The following PDE2A variants were observed in gnomAD, a reference collection of about 807,000 sequenced individuals.
The protein encoded by PDE2A is phosphodiesterase 2A.
Under a neutral mutation model 133.6 loss-of-function variants are expected in PDE2A, and 53 were observed. That is an observed-to-expected ratio of 0.40 (90% CI 0.32 to 0.50). The LOEUF is 0.50. Among genes scored for constraint, PDE2A ranks in the 20% least tolerant of loss-of-function variants. PDE2A has a pLI of 0.73. For synonymous variants in PDE2A, 491 were observed against 490.2 expected, an observed-to-expected ratio of 1.00 and a Z score of -0.02; for missense variants, 796 against 1,232.4, an observed-to-expected ratio of 0.65 and a Z score of 5.30.
At position 72,580,609 on chromosome 11, in the gene PDE2A, C is replaced by A; in HGVS notation, c.2149G>T (p.Ala717Ser). ...ACGGAGCCCTCAGAGCTGTAGAGCG[C>A]AGCCAGCACAGATTTCTGGAAAAGC... ...FQVASKSVLAALYSSEGSVME... is the reference protein window; with the variant it reads ...FQVASKSVLASLYSSEGSVME... The change falls in exon 25 of 31, where the codon GCG becomes TCG. Residue 717 changes from alanine to serine, a missense_variant. This residue lies in a region of PDE2A where 218 missense variants were observed against 465.9 expected (regional missense o/e 0.47). Coordinates refer to ENST00000334456, the MANE Select transcript of PDE2A (RefSeq NM_002599.5). 6.4e-7 allele frequency: 1 copy of A among 1,566,914 alleles called. No homozygotes were observed. Among genetic ancestry groups the A allele is most frequent in the Non-Finnish European group, 8.7e-7 (1 of 1,154,538 alleles).
At chr11:72,584,751 G>A (rs1243532875) in intron 17 of PDE2A, 23 bp from the exon 18 acceptor site, 18 of 1,612,342 alleles carry the variant, frequency 1.1e-5, no homozygotes, top group Non-Finnish European at 1.4e-5. Context: ...AGATGGAGTC[G>A]AGAGGAAGAA....
chr11:72,578,856 G>T lies in PDE2A; in HGVS notation c.2469+41C>A. On this transcript the variant is annotated intron_variant, in intron 28 of 30. Coordinates refer to ENST00000334456, the MANE Select transcript of PDE2A (RefSeq NM_002599.5). The surrounding 1 kb of genome is among the most constrained non-coding windows in gnomAD (Gnocchi z 4.2). Reference sequence around the variant, plus strand: ...CACAGGGGGCACCCAAAGCTGGGCAGGGTGGGCAGCCTGTGCCTTCCCAGG... The same window carrying T: ...CACAGGGGGCACCCAAAGCTGGGCATGGTGGGCAGCCTGTGCCTTCCCAGG... 7.9e-7 allele frequency: 1 copy of T among 1,273,374 alleles called. No homozygotes were observed. The highest frequency in any genetic ancestry group is 1.2e-5 in the South Asian group (1 of 83,074). 78.9% of individuals were successfully genotyped at this position (1,273,374 alleles called of 1,614,324 possible). A position where few individuals can be genotyped will look rare whatever the true frequency, so the allele number is the denominator to read the frequency against.
intron 1 of PDE2A, among the ~76,000 whole-genome samples, chr11:72,663,475 T>A (rs952190824): frequency 3.0e-4 from 45 of 152,126 alleles, no homozygotes; most frequent in African/African-American, 1.0e-3. Flanking sequence ...ACGCCTGTAA[T>A]CCCAGCACTT....
intron 1 of PDE2A, among the ~76,000 whole-genome samples, chr11:72,672,172 CT>C (rs34720752): frequency 0.48 from 71,059 of 148,588 alleles, 17,230 homozygotes; most frequent in Middle Eastern, 0.68. Context: ...TTTTCTTCTT[CT>C]TTTTTTTTTT....
intron 2 of PDE2A, among the ~76,000 whole-genome samples, chr11:72,609,563 A>G (rs1857112278): frequency 6.6e-6 from 1 of 152,204 alleles, no homozygotes; most frequent in African/African-American, 2.4e-5. Context: ...TCCCAGGAAC[A>G]GAACTCGTCC....
chr11:72,582,317 T>G lies in PDE2A; in HGVS notation c.1851+127A>C, dbSNP rs576661701. Reference sequence around the variant, plus strand: ...ATGGCAGACTACAAGCCCCTCCATCTCTGAGGGACCCTCCACAGCCTTCCT... The same window carrying G: ...ATGGCAGACTACAAGCCCCTCCATCGCTGAGGGACCCTCCACAGCCTTCCT... On this transcript the variant is annotated intron_variant, in intron 21 of 30. Coordinates refer to ENST00000334456, the MANE Select transcript of PDE2A (RefSeq NM_002599.5). The G allele has an allele frequency of 9.0e-5, 84 of 935,890 alleles. No homozygotes were observed. In the Admixed American group the frequency reaches 1.9e-3, roughly 21 times the overall value. The allele number at this position is 935,890 out of a possible 1,614,324, so 58.0% of individuals were successfully genotyped here. A position where few individuals can be genotyped will look rare whatever the true frequency, so the allele number is the denominator to read the frequency against.
At chr11:72,618,210 C>T (rs960782719) in intron 2 of PDE2A, among the ~76,000 whole-genome samples, 5 of 152,222 alleles carry the variant, frequency 3.3e-5, no homozygotes, top group African/African-American at 9.6e-5. Flanking sequence ...CTGCTCGCTC[C>T]CTCCATCCAG....
chr11:72,609,407 A>G (rs562646497), intron 2 of PDE2A, among the ~76,000 whole-genome samples: 1 of 152,256 alleles, frequency 6.6e-6, no homozygotes, highest in South Asian at 2.1e-4. Context: ...ACCTAGTCTC[A>G]TTTTCCAGCC....
chr11:72,582,101 G>T (rs7111810), intron 21 of PDE2A, 154 bp from the exon 22 acceptor site: 1 of 652,124 alleles, frequency 1.5e-6, no homozygotes, highest in Non-Finnish European at 2.7e-6. Context: ...AACCGTTCTC[G>T]GAGCTATGCA....
rs1010207828 is a variant in PDE2A at position 72,597,554 on chromosome 11, T to C, written c.389A>G (p.Lys130Arg). The C allele has an allele frequency of 3.1e-6, 5 of 1,611,646 alleles. No individual in the cohort carries two copies. Among genetic ancestry groups the C allele is most frequent in the Middle Eastern group, 1.7e-4 (1 of 6,046 alleles). Residue 130 changes from lysine to arginine, a missense_variant, in exon 5 of 31, where the codon AAG (lysine) becomes AGG (arginine). Physicochemically the swap from Lys to Arg is conservative, Grantham distance 26. Transcript: ENST00000334456. The surrounding 1 kb of genome is among the most constrained non-coding windows in gnomAD (Gnocchi z 4.6). The stretch of plus-strand genomic sequence containing the variant: ...TGGAGCCACCAGCCTGGCCAAGGGC[T>C]TCCCTGGCAGGTCTGAGAAGCCCAG... The part of the protein sequence containing the change: ...NGLGFSDLPG[K>R]PLARLVAPLA...
intron 2 of PDE2A, among the ~76,000 whole-genome samples, chr11:72,635,634 T>C (rs987956711): frequency 6.6e-6 from 1 of 152,316 alleles, no homozygotes; most frequent in Admixed American, 6.5e-5. Context: ...CAAAATCCTA[T>C]ACTCCTAGAG....
At position 72,585,401 on chromosome 11, in the gene PDE2A, G is replaced by A. The variant is rs763395523; in HGVS notation, c.1256C>T (p.Thr419Met). 4 of 1,614,138 alleles carry A rather than the reference G, an allele frequency of 2.5e-6. No individual in the cohort carries two copies. The highest frequency in any genetic ancestry group is 1.1e-5 in the South Asian group (1 of 91,080). ...DVSVLLQEIITEARNLSNAEI... is the reference protein window; with the variant it reads ...DVSVLLQEIIMEARNLSNAEI... ...TGCGTTGCTGAGGTTTCTGGCCTCC[G>A]TGATGATCTCCTGGAGCAGGACAGA... Residue 419 changes from threonine (T) to methionine (M), a missense_variant, in exon 16 of 31, where the codon ACG becomes ATG. This residue lies in a region of PDE2A where 31 missense variants were observed against 70.2 expected (regional missense o/e 0.44). Transcript: ENST00000334456.
At chr11:72,591,255 A>G (rs1330244067) in intron 7 of PDE2A, 42 bp downstream of exon 7, 1 of 1,526,572 alleles carries the variant, frequency 6.6e-7, no homozygotes, top group Non-Finnish European at 9.1e-7. Flanking sequence ...AGCTGTGATA[A>G]GGGTCTTCAG....
At position 72,578,281 on chromosome 11, in the gene PDE2A, G is replaced by A; in HGVS notation, c.2567C>T (p.Pro856Leu). Residue 856 changes from proline (P) to leucine (L), a missense_variant, in exon 30 of 31, where the codon CCT becomes CTT. By Grantham distance (98) the Pro-to-Leu change is moderately conservative. Coordinates refer to ENST00000334456, the MANE Select transcript of PDE2A (RefSeq NM_002599.5). The surrounding 1 kb of genome is among the most constrained non-coding windows in gnomAD (Gnocchi z 4.2). Reference protein sequence around the residue: ...EMMDREKAYIPELQISFMEHI... With the variant: ...EMMDREKAYILELQISFMEHI... ...CTCCATGAAGCTGATTTGCAGCTCAGGGATATAGGCCTTCTCCCGGTCCAT... is the reference window on the plus strand; with the variant it reads ...CTCCATGAAGCTGATTTGCAGCTCAAGGATATAGGCCTTCTCCCGGTCCAT... 1 of 1,613,836 alleles carries A rather than the reference G, an allele frequency of 6.2e-7. No individual in the cohort carries two copies. The highest frequency in any genetic ancestry group is 8.5e-7 in the Non-Finnish European group (1 of 1,179,812).
At chr11:72,641,348 C>G (rs1470203502) in intron 2 of PDE2A, among the ~76,000 whole-genome samples, 2 of 152,204 alleles carry the variant, frequency 1.3e-5, no homozygotes, top group East Asian at 3.9e-4. Context: ...GGGGGTGTCC[C>G]AGGGACACTA....
At chr11:72,596,516 A>C (rs995792435) in intron 6 of PDE2A, 77 bp downstream of exon 6, 5 of 644,920 alleles carry the variant, frequency 7.8e-6, no homozygotes, top group African/African-American at 4.0e-5. Flanking sequence ...ACACACACAC[A>C]CCCTGGACAG....
chr11:72,580,725 C>T, intron 24 of PDE2A, 101 bp from the exon 25 acceptor site: 1 of 1,095,992 alleles, frequency 9.1e-7, no homozygotes, highest in Non-Finnish European at 1.4e-6. Flanking sequence ...TTCTCCCCTC[C>T]TCCCTATCTC....
intron 2 of PDE2A, among the ~76,000 whole-genome samples, chr11:72,614,860 A>C (rs140728000): frequency 1.1e-3 from 169 of 152,230 alleles, no homozygotes; most frequent in Middle Eastern, 6.8e-3. Flanking sequence ...GAGGGAGACT[A>C]GTGGTGGGGA....
At chr11:72,599,363 C>T (rs1000313947) in intron 4 of PDE2A, among the ~76,000 whole-genome samples, 7 of 152,256 alleles carry the variant, frequency 4.6e-5, no homozygotes, top group South Asian at 4.2e-4. Context: ...CTCCCCACCA[C>T]GTCCCTGAGG....
Sources: allele counts gnomAD v4.1 joint callset (sites outside exome capture counted in the v4.1 genomes callset), GRCh38; gene constraint gnomAD v4.1.1; regional missense constraint gnomAD v4.1.1; non-coding constraint Gnocchi (gnomAD v3.1); transcripts MANE v1.5; gene names NCBI Gene and HGNC (gene_info 2026-07-23, HGNC 2026-07-21).